Variants in AKR1D1 observed in about 807,000 individuals in gnomAD.
AKR1D1 encodes the protein delta(4)-3-ketosteroid 5-beta-reductase.
AKR1D1 carries 32 observed loss-of-function variants against 42.6 expected under a neutral mutation model. The ratio of observed to expected loss-of-function variants is 0.75; its 90% confidence interval spans 0.57 to 1.01. AKR1D1 has a LOEUF of 1.01. Ranked by LOEUF, AKR1D1 falls within the 50% of genes least tolerant of loss-of-function variation. The pLI is 0.00. For synonymous variants in AKR1D1, 123 were observed against 135.5 expected (o/e 0.91, Z 0.64); for missense variants, 364 against 402.2 (o/e 0.91, Z 0.81).
intron 1 of AKR1D1, among the ~76,000 whole-genome samples, chr7:138,087,014 A>C (rs1157328453): frequency 6.6e-6 from 1 of 152,266 alleles, no homozygotes; most frequent in Non-Finnish European, 1.5e-5. Flanking sequence ...ATTATGTGGA[A>C]TCTGAAAAAT....
chr7:138,111,893 T>C (rs779925908), intron 7 of AKR1D1, among the ~76,000 whole-genome samples: 21 of 152,168 alleles, frequency 1.4e-4, no homozygotes, highest in Non-Finnish European at 2.2e-4. Context: ...ATCCTCTATT[T>C]CACAAAAGTT....
At chr7:138,093,019 T>A (rs1185923427) in intron 3 of AKR1D1, among the ~76,000 whole-genome samples, 2 of 152,170 alleles carry the variant, frequency 1.3e-5, no homozygotes, top group African/African-American at 4.8e-5. Context: ...TTTAATTTTT[T>A]AACTTTTTGA....
chr7:138,098,595 G>A (rs1334491954), intron 4 of AKR1D1, among the ~76,000 whole-genome samples: 1 of 152,182 alleles, frequency 6.6e-6, no homozygotes, highest in East Asian at 1.9e-4. Flanking sequence ...GGGCGACAGA[G>A]CAAGATGCCG....
intron 4 of AKR1D1, among the ~76,000 whole-genome samples, chr7:138,099,505 A>G (rs1235507576): frequency 6.6e-6 from 1 of 152,212 alleles, no homozygotes; most frequent in African/African-American, 2.4e-5. Flanking sequence ...TTAAAAAATA[A>G]AAACACAATG....
chr7:138,077,721 A>G (rs1802970435), intron 1 of AKR1D1, among the ~76,000 whole-genome samples: 1 of 152,220 alleles, frequency 6.6e-6, no homozygotes, highest in African/African-American at 2.4e-5. Flanking sequence ...TCATGTATGA[A>G]TGAACTATTT....
At chr7:138,085,160 T>C (rs561924852) in intron 1 of AKR1D1, among the ~76,000 whole-genome samples, 1 of 150,622 alleles carries the variant, frequency 6.6e-6, no homozygotes, top group African/African-American at 2.4e-5. Context: ...TAGTAATACA[T>C]CTCACTGCTG....
chr7:138,112,586 A>T (rs1184428555), intron 7 of AKR1D1, among the ~76,000 whole-genome samples: 1 of 152,182 alleles, frequency 6.6e-6, no homozygotes, highest in East Asian at 1.9e-4. Flanking sequence ...TGGGAGGAAT[A>T]TCTGGGAAGG....
At chr7:138,098,246 A>G (rs1794222180) in intron 4 of AKR1D1, 3 of 259,780 alleles carry the variant, frequency 1.2e-5, no homozygotes, top group Non-Finnish European at 2.2e-5. Context: ...TAAATTCACA[A>G]ATCAAAAAAT....
intron 4 of AKR1D1, among the ~76,000 whole-genome samples, chr7:138,100,573 A>T (rs1457292951): frequency 2.6e-5 from 4 of 152,158 alleles, no homozygotes; most frequent in African/African-American, 9.7e-5. Flanking sequence ...GAAGATTATT[A>T]TATAATGATA....
chr7:138,091,826 G>C lies in AKR1D1; in HGVS notation c.320G>C (p.Arg107Thr). Reference sequence around the variant, plus strand: ...CGCCCAACCCTGGAGAGGACACTCAGGGTCCTCCAGCTAGATTATGTGGAT... The same window carrying C: ...CGCCCAACCCTGGAGAGGACACTCACGGTCCTCCAGCTAGATTATGTGGAT... ...MVRPTLERTLRVLQLDYVDLY... is the reference protein window; with the variant it reads ...MVRPTLERTLTVLQLDYVDLY... Residue 107 changes from arginine (R) to threonine (T), a missense_variant, in exon 3 of 9, where the codon AGG becomes ACG. By Grantham distance (71) the Arg-to-Thr change is moderately conservative (BLOSUM62 -1). Transcript: ENST00000242375. 1 of 1,614,138 alleles carries C rather than the reference G, an allele frequency of 6.2e-7. No individual in the cohort carries two copies. Among genetic ancestry groups the C allele is most frequent in the South Asian group, 1.1e-5 (1 of 91,064 alleles).
chr7:138,080,440 GC>G (rs1803030570), intron 1 of AKR1D1, among the ~76,000 whole-genome samples: 1 of 152,160 alleles, frequency 6.6e-6, no homozygotes, highest in Non-Finnish European at 1.5e-5. Context: ...TATGTAACTT[GC>G]CTTTAGGGTG....
In AKR1D1 at chr7:138,107,206, C is replaced by T. The variant is rs987509996; in HGVS notation, c.690-209C>T. ...ATTATTTACCCTCTGAAGGAGGCAG[C>T]TCCATAAACTTGCCTTGCTTGATCT... On this transcript the variant is annotated intron_variant, in intron 6 of 8. Coordinates refer to ENST00000242375, the MANE Select transcript of AKR1D1 (RefSeq NM_005989.4). The T allele has an allele frequency of 4.1e-6, 3 of 734,920 alleles. No individual in the cohort carries two copies. The African/African-American group carries it at 5.1e-5, about 13-fold the overall frequency. 45.5% of individuals were successfully genotyped at this position (734,920 alleles called of 1,614,324 possible). A position where few individuals can be genotyped will look rare whatever the true frequency, so the allele number is the denominator to read the frequency against.
At chr7:138,104,918 C>T (rs185240517) in intron 4 of AKR1D1, among the ~76,000 whole-genome samples, 67 of 152,066 alleles carry the variant, frequency 4.4e-4, no homozygotes, top group Admixed American at 2.6e-3. Context: ...CACCACCATG[C>T]CTAGTTAATT....
At chr7:138,104,595 G>A (rs1794382114) in intron 4 of AKR1D1, among the ~76,000 whole-genome samples, 1 of 151,232 alleles carries the variant, frequency 6.6e-6, no homozygotes, top group African/African-American at 2.4e-5. Flanking sequence ...TACTTGGGAG[G>A]CTTGAACCTG....
chr7:138,115,259 A>G (rs34315519), intron 8 of AKR1D1, among the ~76,000 whole-genome samples: 87,763 of 151,864 alleles, frequency 0.58, 26,227 homozygotes, highest in Middle Eastern at 0.66. Context: ...CCTGGACAAC[A>G]TAGCAAGACC....
chr7:138,098,898 A>G (rs1411140457), intron 4 of AKR1D1, among the ~76,000 whole-genome samples: 1 of 152,032 alleles, frequency 6.6e-6, no homozygotes, highest in Non-Finnish European at 1.5e-5. Flanking sequence ...CCTGGGAACA[A>G]ATGTTGCCGC....
At chr7:138,097,716 C>T (rs1179950474) in intron 3 of AKR1D1, 150 bp from the exon 4 acceptor site, 9 of 697,536 alleles carry the variant, frequency 1.3e-5, no homozygotes, top group East Asian at 8.2e-5. Context: ...CCAGCTGGGC[C>T]GCTATGACAA....
intron 2 of AKR1D1, 112 bp downstream of exon 2, chr7:138,088,880 T>C: frequency 1.7e-6 from 2 of 1,169,278 alleles, no homozygotes; most frequent in South Asian, 1.3e-5. Flanking sequence ...GAGTAGGCAG[T>C]ACTTAATAAC....
At chr7:138,084,574 A>G (rs536610966) in intron 1 of AKR1D1, among the ~76,000 whole-genome samples, 15 of 152,204 alleles carry the variant, frequency 9.9e-5, no homozygotes, top group African/African-American at 2.9e-4. Flanking sequence ...CCATTTTAGG[A>G]AACCAGATTT....
Sources: allele counts gnomAD v4.1 joint callset (sites outside exome capture counted in the v4.1 genomes callset), GRCh38; gene constraint gnomAD v4.1.1; transcripts MANE v1.5; gene names NCBI Gene and HGNC (gene_info 2026-07-23, HGNC 2026-07-21).